The following NTRK3 variants were observed in gnomAD, a reference collection of about 807,000 sequenced individuals.
NTRK3 encodes the protein NT-3 growth factor receptor.
Under a neutral mutation model 91.7 loss-of-function variants are expected in NTRK3, and 24 were observed. The ratio of observed to expected loss-of-function variants is 0.26; its 90% CI spans 0.19 to 0.37. The LOEUF is 0.37. Among genes scored for constraint, NTRK3 ranks in the 10% least tolerant of loss-of-function variants. The pLI, the probability that NTRK3 is intolerant of heterozygous loss-of-function variation, is 1.00. For missense variants in NTRK3, 880 were observed against 1,068.9 expected, an observed-to-expected ratio of 0.82 and a Z score of 2.46; for synonymous variants, 483 against 404.0, an observed-to-expected ratio of 1.20 and a Z score of -2.34.
intron 14 of NTRK3, among the ~76,000 whole-genome samples, chr15:87,983,061 T>C (rs2074432128): frequency 6.6e-6 from 1 of 152,268 alleles, no homozygotes; most frequent in African/African-American, 2.4e-5. Context: ...GTTTAGGTTA[T>C]GGTTTAGACA....
intron 5 of NTRK3, among the ~76,000 whole-genome samples, chr15:88,155,510 T>G (rs1170204914): frequency 6.6e-6 from 1 of 152,238 alleles, no homozygotes; most frequent in African/African-American, 2.4e-5. Flanking sequence ...ACAAACTTTG[T>G]GTTAATTTGT....
chr15:88,143,467 C>A (rs1432924954), intron 6 of NTRK3, among the ~76,000 whole-genome samples: 1 of 152,152 alleles, frequency 6.6e-6, no homozygotes, highest in Admixed American at 6.5e-5. Context: ...CAATAATGTT[C>A]TATTGTTTTA....
intron 3 of NTRK3, among the ~76,000 whole-genome samples, chr15:88,193,396 G>A (rs541242728): frequency 6.6e-6 from 1 of 152,204 alleles, no homozygotes; most frequent in East Asian, 1.9e-4. Context: ...CTCCCTCCCA[G>A]GCCCAGGTCT....
chr15:88,044,254 C>CTTTTTTTTTTTTTTTT (rs1181028004), intron 13 of NTRK3, among the ~76,000 whole-genome samples: 1 of 78,486 alleles, frequency 1.3e-5, no homozygotes. Context: ...AGTCTATGTT[C>CTTTTTTTTTTTTTTTT]TTTTTTTTTT....
At chr15:88,072,822 C>T (rs1416839044) in intron 13 of NTRK3, 2 of 233,058 alleles carry the variant, frequency 8.6e-6, no homozygotes, top group African/African-American at 4.4e-5. Flanking sequence ...GGCTGGGCCA[C>T]AGCAGGAAGC....
At chr15:88,092,239 C>T (rs1209683778) in intron 13 of NTRK3, among the ~76,000 whole-genome samples, 1 of 152,224 alleles carries the variant, frequency 6.6e-6, no homozygotes, top group African/African-American at 2.4e-5. Context: ...CTCAGCCGCT[C>T]AGTGTCATTC....
At chr15:88,226,184 T>C (rs1222780049) in intron 3 of NTRK3, among the ~76,000 whole-genome samples, 1 of 152,144 alleles carries the variant, frequency 6.6e-6, no homozygotes, top group Non-Finnish European at 1.5e-5. Context: ...AGTCCTTAGC[T>C]CTGGGACCAA....
chr15:88,135,958 G>A (rs200596109), exon 9 of NTRK3: 69 of 1,614,114 alleles, frequency 4.3e-5, no homozygotes, highest in South Asian at 2.0e-4. Context: ...TGCAATGCAC[G>A]TCAGGGTGAA....
At chr15:88,213,366 C>G (rs932555784) in intron 3 of NTRK3, among the ~76,000 whole-genome samples, 11 of 152,118 alleles carry the variant, frequency 7.2e-5, no homozygotes, top group Non-Finnish European at 1.5e-4. Flanking sequence ...TCCTTGCAGC[C>G]TGAATAAAAT....
chr15:88,056,978 C>G (rs1004191725), intron 13 of NTRK3, among the ~76,000 whole-genome samples: 10 of 151,336 alleles, frequency 6.6e-5, no homozygotes, highest in Non-Finnish European at 8.8e-5. Flanking sequence ...AGACCATCCT[C>G]GCTAACACGG....
At chr15:88,086,451 T>C (rs1259036383) in intron 13 of NTRK3, among the ~76,000 whole-genome samples, 1 of 150,102 alleles carries the variant, frequency 6.7e-6, no homozygotes, top group African/African-American at 2.5e-5. Context: ...GGTCAAATGA[T>C]AGTATTTTAG....
At chr15:87,987,805 C>T (rs992391789) in intron 14 of NTRK3, among the ~76,000 whole-genome samples, 3 of 151,640 alleles carry the variant, frequency 2.0e-5, no homozygotes, top group Admixed American at 6.6e-5. Context: ...AAAAGTACTA[C>T]GTTTAGGGCT....
chr15:88,048,511 G>A (rs927318852), intron 13 of NTRK3, among the ~76,000 whole-genome samples: 2 of 152,118 alleles, frequency 1.3e-5, no homozygotes, highest in African/African-American at 4.8e-5. Flanking sequence ...TGGGATGCAG[G>A]TTTTTCCTGG....
intron 14 of NTRK3, among the ~76,000 whole-genome samples, chr15:87,983,517 T>G (rs1313074218): frequency 6.6e-6 from 1 of 152,186 alleles, no homozygotes; most frequent in Non-Finnish European, 1.5e-5. Context: ...GGAGTGCCAG[T>G]GACAGGTATC....
At chr15:88,092,277 A>G (rs749598725) in intron 13 of NTRK3, among the ~76,000 whole-genome samples, 12 of 152,200 alleles carry the variant, frequency 7.9e-5, no homozygotes, top group Non-Finnish European at 1.8e-4. Context: ...GTCTCTAGTC[A>G]CTGAAGCTCC....
At chr15:88,063,736 T>C (rs112602949) in intron 13 of NTRK3, among the ~76,000 whole-genome samples, 34 of 152,242 alleles carry the variant, frequency 2.2e-4, no homozygotes, top group African/African-American at 6.5e-4. Context: ...TCGCATGTGG[T>C]GGTGTTCAAT....
intron 11 of NTRK3, 98 bp from the exon 12 acceptor site, chr15:88,127,324 C>G: frequency 1.0e-6 from 1 of 970,340 alleles, no homozygotes; most frequent in South Asian, 1.4e-5. Flanking sequence ...CTTGAGACTT[C>G]CCCCTGCAGA....
intron 6 of NTRK3, chr15:88,144,109 T>A (rs975528949): frequency 1.3e-5 from 2 of 152,180 alleles, no homozygotes; most frequent in Non-Finnish European, 2.9e-5. Flanking sequence ...AGACAATCTC[T>A]CTGATTCCTG....
At chr15:88,244,611 A>G (rs2052655932) in intron 3 of NTRK3, among the ~76,000 whole-genome samples, 1 of 152,200 alleles carries the variant, frequency 6.6e-6, no homozygotes, top group Non-Finnish European at 1.5e-5. Context: ...TACAAATCAC[A>G]TCAGGACAGG....
Sources: allele counts gnomAD v4.1 joint callset (sites outside exome capture counted in the v4.1 genomes callset), GRCh38; gene constraint gnomAD v4.1.1; transcripts MANE v1.5; gene names NCBI Gene and HGNC (gene_info 2026-07-23, HGNC 2026-07-21).